ADGRV1: variants seen among roughly 807,000 people sequenced by gnomAD.
The protein encoded by ADGRV1 is adhesion G protein-coupled receptor V1, also known as G-protein coupled receptor 98.
In ADGRV1, 359 loss-of-function variants were observed where a neutral mutation model predicts 596.2. That is an observed-to-expected ratio of 0.60 (90% confidence interval 0.55 to 0.66). ADGRV1 has a LOEUF of 0.66. ADGRV1 is among the 30% of genes least tolerant of loss of function. The pLI, the probability that ADGRV1 is intolerant of heterozygous loss-of-function variation, is 0.00. For missense variants in ADGRV1, 7,274 were observed against 7,575.6 expected, an observed-to-expected ratio of 0.96 and a Z score of 1.48; for synonymous variants, 2,681 against 2,679.2, an observed-to-expected ratio of 1.00 and a Z score of -0.02.
chr5:91,109,997 A>T (rs1792225653), intron 87 of ADGRV1, among the ~76,000 whole-genome samples: 1 of 152,194 alleles, frequency 6.6e-6, no homozygotes, highest in Non-Finnish European at 1.5e-5. Flanking sequence ...TATCAGTGTG[A>T]TTTCAGTTTA....
At chr5:90,847,870 C>T (rs547197246) in intron 78 of ADGRV1, among the ~76,000 whole-genome samples, 418 of 152,246 alleles carry the variant, frequency 2.7e-3, no homozygotes, top group African/African-American at 9.4e-3. Context: ...CTGAGGGAGC[C>T]GGTTCCCGCC....
rs76065399 is a variant in ADGRV1 at position 91,161,097 on chromosome 5, G to A, written c.18803-2685G>A. Among the ~76,000 whole-genome samples, 676 of 152,218 alleles carry A rather than the reference G, an allele frequency of 4.4e-3. 45 individuals carry two copies. The East Asian group carries it at 0.11, about 25-fold the overall frequency. ...GGAGTTGGTACTAGTTAAGTCATTC[G>A]GCCTCAGTCTTCCCTGAGGCTAATC... On this transcript the variant is annotated intron_variant, in intron 89 of 89. Coordinates refer to ENST00000405460, the MANE Select transcript of ADGRV1 (RefSeq NM_032119.4).
chr5:90,989,212 T>C (rs12188927), intron 85 of ADGRV1, among the ~76,000 whole-genome samples: 151,857 of 152,034 alleles, frequency 1, 75,841 homozygotes, highest in Middle Eastern at 1. Flanking sequence ...TGAGGAATCA[T>C]CACACTGACT....
intron 83 of ADGRV1, among the ~76,000 whole-genome samples, chr5:90,923,597 G>A (rs541285590): frequency 9.9e-4 from 151 of 152,142 alleles, no homozygotes; most frequent in Middle Eastern, 3.4e-3. Context: ...CTGCAATATA[G>A]AACAGTCCCA....
chr5:90,874,855 C>CAA (rs146727961), intron 83 of ADGRV1, among the ~76,000 whole-genome samples: 2 of 144,614 alleles, frequency 1.4e-5, no homozygotes, highest in East Asian at 2.1e-4. Context: ...GACTCTGTCT[C>CAA]AAAAAAAAAC....
intron 84 of ADGRV1, among the ~76,000 whole-genome samples, chr5:90,972,043 G>T (rs941277838): frequency 6.6e-6 from 1 of 152,120 alleles, no homozygotes; most frequent in African/African-American, 2.4e-5. Context: ...AAAGGCAGAG[G>T]TTGCCATCCT....
intron 74 of ADGRV1, among the ~76,000 whole-genome samples, chr5:90,813,248 G>A (rs1762614033): frequency 6.7e-6 from 1 of 148,970 alleles, no homozygotes. Flanking sequence ...AACCAGGGCT[G>A]ATAGTAAAAA....
At chr5:90,885,041 A>G (rs4916692) in intron 83 of ADGRV1, among the ~76,000 whole-genome samples, 1 of 151,964 alleles carries the variant, frequency 6.6e-6, no homozygotes, top group African/African-American at 2.4e-5. Context: ...CCCATGGACC[A>G]TGCAGCCCCA....
intron 64 of ADGRV1, 46 bp from the exon 65 acceptor site, chr5:90,781,384 G>T (rs772646416): frequency 6.8e-5 from 94 of 1,372,930 alleles, no homozygotes; most frequent in Non-Finnish European, 7.3e-5. Flanking sequence ...TGTATTTTTT[G>T]TTGTTGTTGT....
At chr5:90,698,649 A>G (rs1747508285) in intron 34 of ADGRV1, among the ~76,000 whole-genome samples, 1 of 152,198 alleles carries the variant, frequency 6.6e-6, no homozygotes, top group Non-Finnish European at 1.5e-5. Flanking sequence ...TTTCAGGTTA[A>G]AGATGGACAT....
At chr5:90,648,902 AT>A (rs1768193441) in intron 17 of ADGRV1, among the ~76,000 whole-genome samples, 1 of 152,262 alleles carries the variant, frequency 6.6e-6, no homozygotes, top group Admixed American at 6.5e-5. Context: ...TTGTTCTAAA[AT>A]TTAAATGAAA....
chr5:90,649,515 G>A (rs955398004), intron 17 of ADGRV1, among the ~76,000 whole-genome samples: 2 of 151,250 alleles, frequency 1.3e-5, no homozygotes, highest in East Asian at 3.9e-4. Flanking sequence ...TTGAGATGAA[G>A]TCTCACTCTG....
At chr5:91,070,025 C>T (rs890603529) in intron 85 of ADGRV1, among the ~76,000 whole-genome samples, 3 of 151,828 alleles carry the variant, frequency 2.0e-5, no homozygotes, top group Non-Finnish European at 4.4e-5. Flanking sequence ...CCAAATACCA[C>T]GTGTTTTCAC....
intron 87 of ADGRV1, among the ~76,000 whole-genome samples, chr5:91,104,186 C>T (rs1252333292): frequency 6.6e-6 from 1 of 151,986 alleles, no homozygotes; most frequent in African/African-American, 2.4e-5. Flanking sequence ...AAAAGAGCAG[C>T]TCTAAGTAGG....
chr5:90,586,650 G>T (rs1254605108), intron 1 of ADGRV1, among the ~76,000 whole-genome samples: 1 of 152,198 alleles, frequency 6.6e-6, no homozygotes, highest in African/African-American at 2.4e-5. Flanking sequence ...GGGCAAGAAT[G>T]CTACATCGGT....
rs549070080 is a variant in ADGRV1 at position 90,782,994 on chromosome 5, T to C, written c.13232-130T>C. On this transcript the variant is annotated intron_variant, in intron 65 of 89. Coordinates refer to ENST00000405460, the MANE Select transcript of ADGRV1 (RefSeq NM_032119.4). ...TTTCACTAATCCCCCTTTAAAATGA[T>C]AAAAGAACTATGAAAACATAGAGTG... is the stretch of plus-strand genomic sequence containing the variant. 4.2e-6 allele frequency: 3 copies of C among 713,848 alleles called. No homozygotes were observed. The East Asian group carries it at 7.5e-5, about 18-fold the overall frequency. The allele number at this position is 713,848 out of a possible 1,614,324, so 44.2% of individuals were successfully genotyped here.
At chr5:90,881,563 G>T (rs1769776567) in intron 83 of ADGRV1, among the ~76,000 whole-genome samples, 1 of 152,026 alleles carries the variant, frequency 6.6e-6, no homozygotes, top group African/African-American at 2.4e-5. Context: ...GTGAACTTTG[G>T]CCAGTGGGTC....
chr5:91,011,895 G>A (rs2151150608), intron 85 of ADGRV1, among the ~76,000 whole-genome samples: 1 of 152,030 alleles, frequency 6.6e-6, no homozygotes, highest in East Asian at 1.9e-4. Context: ...CCTGGGAAAT[G>A]AGCTACAATC....
At chr5:90,948,748 A>T (rs1776815152) in intron 83 of ADGRV1, among the ~76,000 whole-genome samples, 1 of 152,156 alleles carries the variant, frequency 6.6e-6, no homozygotes, top group Non-Finnish European at 1.5e-5. Flanking sequence ...TCTAACGCAA[A>T]GTCTATTTTA....
Sources: gnomAD v4.1 joint callset for allele counts (sites outside exome capture counted in the v4.1 genomes callset) on GRCh38, gnomAD v4.1.1 for gene constraint, MANE v1.5 for transcripts, NCBI Gene and HGNC (gene_info 2026-07-23, HGNC 2026-07-21) for gene names.